STK3: variants seen among roughly 807,000 people sequenced by gnomAD.
STK3 encodes the protein serine/threonine-protein kinase 3.
Under a neutral mutation model 58.0 loss-of-function variants are expected in STK3, and 41 were observed. That is an observed-to-expected ratio of 0.71 (90% confidence interval 0.55 to 0.92). The LOEUF (loss-of-function observed/expected upper bound fraction) is 0.92, where lower values mean the gene tolerates loss of function less well. STK3 is among the 40% of genes least tolerant of loss of function. STK3 has a pLI of 0.00. For synonymous variants in STK3, 170 were observed against 191.0 expected (o/e 0.89, Z 0.91); for missense variants, 479 against 602.7 (o/e 0.79, Z 2.15).
intron 3 of STK3, among the ~76,000 whole-genome samples, chr8:98,859,438 TCC>T (rs1264259195): frequency 1.3e-5 from 2 of 152,194 alleles, no homozygotes; most frequent in African/African-American, 4.8e-5. Context: ...GGGAAAATCA[TCC>T]AAGCTCTAGT....
chr8:98,781,884 G>T (rs1010411945), intron 1 of STK3, among the ~76,000 whole-genome samples: 5 of 151,984 alleles, frequency 3.3e-5, no homozygotes, highest in Admixed American at 2.0e-4. Flanking sequence ...CCAGAAACGA[G>T]GTGGTGAAAT....
At chr8:98,773,208 T>TA (rs766804814) in intron 2 of STK3, among the ~76,000 whole-genome samples, 16 of 152,148 alleles carry the variant, frequency 1.1e-4, no homozygotes, top group Non-Finnish European at 2.2e-4. Context: ...TGTCCAATTC[T>TA]AAAAGAGATA....
At chr8:98,527,956 C>G (rs1343134718) in intron 9 of STK3, among the ~76,000 whole-genome samples, 1 of 152,168 alleles carries the variant, frequency 6.6e-6, no homozygotes, top group Non-Finnish European at 1.5e-5. Flanking sequence ...TATTCTATCT[C>G]CACTAAAGTC....
At chr8:98,525,147 T>C (rs1267682566) in intron 10 of STK3, among the ~76,000 whole-genome samples, 4 of 152,168 alleles carry the variant, frequency 2.6e-5, no homozygotes, top group Admixed American at 2.0e-4. Context: ...GTAGCTATTA[T>C]CTTAAGTGAA....
intron 3 of STK3, among the ~76,000 whole-genome samples, chr8:98,764,186 A>C (rs1034827173): frequency 6.6e-6 from 1 of 152,244 alleles, no homozygotes; most frequent in South Asian, 2.1e-4. Context: ...ATTCTGCTAT[A>C]AAGTGGTACA....
chr8:98,570,657 A>C (rs943917660), intron 8 of STK3, among the ~76,000 whole-genome samples: 2 of 152,214 alleles, frequency 1.3e-5, no homozygotes, highest in Non-Finnish European at 2.9e-5. Flanking sequence ...CAAACAGAAC[A>C]ATAACAAAAA....
At chr8:98,794,333 G>A (rs2131592883) in intron 1 of STK3, among the ~76,000 whole-genome samples, 1 of 152,144 alleles carries the variant, frequency 6.6e-6, no homozygotes, top group South Asian at 2.1e-4. Flanking sequence ...AATGACAAAG[G>A]TGACAAGCAA....
In STK3 at chr8:98,749,322, C is replaced by T; in HGVS notation, c.305G>A (p.Cys102Tyr). Residue 102 changes from cysteine (C) to tyrosine (Y), a missense_variant, in exon 4 of 11, where the codon TGT (cysteine) becomes TAT (tyrosine). Cys to Tyr is a radical substitution (Grantham distance 194, BLOSUM62 -2). This residue lies in a region of STK3 where 126 missense variants were observed against 210.1 expected (regional missense o/e 0.60). Coordinates refer to ENST00000419617, the MANE Select transcript of STK3 (RefSeq NM_006281.4). Reference sequence around the variant, plus strand: ...TATGTCTGAGACAGAGCCAGCGCCACAGTACTCCATAACAATCCAGAGGTC... The same window carrying T: ...TATGTCTGAGACAGAGCCAGCGCCATAGTACTCCATAACAATCCAGAGGTC... ...NTDLWIVMEY[C>Y]GAGSVSDIIR... 6.2e-7 allele frequency: 1 copy of T among 1,609,942 alleles called. No individual in the cohort carries two copies. The highest frequency in any genetic ancestry group is 8.5e-7 in the Non-Finnish European group (1 of 1,177,512).
intron 1 of STK3, among the ~76,000 whole-genome samples, chr8:98,379,571 T>C (rs1438502923): frequency 6.6e-6 from 1 of 152,120 alleles, no homozygotes; most frequent in African/African-American, 2.4e-5. Flanking sequence ...CCCCACTCCT[T>C]CTTCAAGTGC....
chr8:98,913,131 C>CAAAA lies in STK3; in HGVS notation c.-79+29243_-79+29246dup, dbSNP rs71995197. 5.9e-3 allele frequency among the ~76,000 whole-genome samples: 847 copies of CAAAA among 143,082 alleles called. 4 individuals carry two copies. The highest frequency in any genetic ancestry group is 0.011 in the Non-Finnish European group (681 of 64,758). 93.9% of individuals were successfully genotyped at this position (143,082 alleles called of 152,430 possible). The stretch of plus-strand genomic sequence containing the variant: ...AAAAATTAGGGGTTCACATAAATGG[C>CAAAA]AAAAAAAAAAAATCATTAAGCAGAG... On this transcript the variant is annotated intron_variant, in intron 1 of 1. Coordinates refer to the STK3 transcript ENST00000519420.
intron 1 of STK3, among the ~76,000 whole-genome samples, chr8:98,902,915 G>C (rs1438747317): frequency 2.6e-5 from 4 of 152,166 alleles, no homozygotes; most frequent in African/African-American, 9.7e-5. Context: ...AACTAGAACA[G>C]TGTAGAGTTA....
chr8:98,670,532 G>A (rs1209100490), intron 6 of STK3, among the ~76,000 whole-genome samples: 1 of 152,164 alleles, frequency 6.6e-6, no homozygotes, highest in Non-Finnish European at 1.5e-5. Context: ...GCAGGAAGCA[G>A]AAAAATCCTA....
intron 10 of STK3, among the ~76,000 whole-genome samples, chr8:98,494,052 C>T (rs1356776378): frequency 6.6e-6 from 1 of 152,170 alleles, no homozygotes. Context: ...TTCTCTACTT[C>T]CAATCTCAAT....
the STK3 span, among the ~76,000 whole-genome samples, chr8:98,359,344 T>TAAAAAAAAAAAAA: frequency 3.6e-5 from 2 of 55,712 alleles, no homozygotes; most frequent in Admixed American, 2.0e-4. Context: ...CCATCTCAAC[T>TAAAAAAAAAAAAA]AAAAAAAAAA....
chr8:98,762,122 A>C (rs1486350979), intron 3 of STK3, among the ~76,000 whole-genome samples: 3 of 152,104 alleles, frequency 2.0e-5, no homozygotes, highest in Non-Finnish European at 4.4e-5. Context: ...TCCAACCCAC[A>C]TACTTCCCCA....
chr8:98,673,747 G>A (rs1036970851), intron 6 of STK3, among the ~76,000 whole-genome samples: 1 of 151,976 alleles, frequency 6.6e-6, no homozygotes. Context: ...TTAATTATAT[G>A]TTATATGAAA....
intron 3 of STK3, among the ~76,000 whole-genome samples, chr8:98,854,428 C>A (rs550658374): frequency 1.3e-5 from 2 of 152,172 alleles, no homozygotes; most frequent in South Asian, 2.1e-4. Flanking sequence ...CATGAGCCAC[C>A]ATGCCGGGCC....
chr8:98,727,838 C>T (rs781293210), intron 4 of STK3, among the ~76,000 whole-genome samples: 5 of 152,150 alleles, frequency 3.3e-5, no homozygotes, highest in African/African-American at 7.2e-5. Context: ...TCTCATTTTA[C>T]GGAACTCTCA....
chr8:98,696,995 T>G (rs2130995703), intron 6 of STK3, among the ~76,000 whole-genome samples: 1 of 152,246 alleles, frequency 6.6e-6, no homozygotes, highest in East Asian at 1.9e-4. Context: ...CCTGGACTCT[T>G]TTTGGTTGGT....
Sources: gnomAD v4.1 joint callset for allele counts (sites outside exome capture counted in the v4.1 genomes callset) on GRCh38, gnomAD v4.1.1 for gene constraint, gnomAD v4.1.1 regional missense constraint, MANE v1.5 for transcripts, NCBI Gene and HGNC (gene_info 2026-07-23, HGNC 2026-07-21) for gene names.